TAFA5: variants seen among roughly 807,000 people sequenced by gnomAD.
TAFA5 encodes chemokine-like protein TAFA-5.
Under a neutral mutation model 15.3 loss-of-function variants are expected in TAFA5, and 6 were observed. The observed-to-expected ratio is 0.39, with a 90% CI of 0.21 to 0.77. TAFA5 has a LOEUF of 0.77. Among genes scored for constraint, TAFA5 ranks in the 30% least tolerant of loss-of-function variants. TAFA5 has a pLI of 0.41. For missense variants in TAFA5, 161 were observed against 193.1 expected (o/e 0.83, Z 0.98); for synonymous variants, 103 against 80.7 (o/e 1.28, Z -1.48).
In TAFA5 at chr22:48,658,951, G is replaced by T. The variant is rs527886925; in HGVS notation, c.262+12205G>T. Reference sequence around the variant, plus strand: ...GCCTCAGACTGCAGCGTCCAAAGAGGTCGTGTAAGAGGAGGTGACGCCTTT... The same window carrying T: ...GCCTCAGACTGCAGCGTCCAAAGAGTTCGTGTAAGAGGAGGTGACGCCTTT... On this transcript the variant is annotated intron_variant, in intron 2 of 3. Transcript: ENST00000402357. Among the ~76,000 whole-genome samples, 176 of 152,318 alleles carry T rather than the reference G, an allele frequency of 1.2e-3. 2 individuals are homozygous for T. The highest frequency in any genetic ancestry group is 2.0e-3 in the Non-Finnish European group (138 of 68,034).
chr22:48,496,297 C>T (rs1263924215), intron 1 of TAFA5, among the ~76,000 whole-genome samples: 3 of 151,068 alleles, frequency 2.0e-5, no homozygotes, highest in African/African-American at 7.4e-5. Flanking sequence ...TGCTTTTGGT[C>T]ACGGCATCTG....
chr22:48,563,878 G>GT (rs1417168714), intron 1 of TAFA5, among the ~76,000 whole-genome samples: 1 of 152,208 alleles, frequency 6.6e-6, no homozygotes, highest in Non-Finnish European at 1.5e-5. Context: ...CCGCCTCCAG[G>GT]TCCTACCAGG....
In TAFA5 at chr22:48,691,428, A is replaced by G. The variant is rs980688940; in HGVS notation, c.263-16289A>G. Among the ~76,000 whole-genome samples the G allele has an allele frequency of 3.9e-5, 6 of 152,344 alleles. No individual in the cohort carries two copies. In the East Asian group the frequency reaches 1.2e-3, roughly 29 times the overall value. ...AAACCAGCAAGGCCTAAGAGGGAAG[A>G]TGGAGACGTGGCCAGGACAGGGTCG... On this transcript the variant is annotated intron_variant, in intron 2 of 3. Transcript: ENST00000402357.
chr22:48,561,659 C>T (rs145154346), intron 1 of TAFA5, among the ~76,000 whole-genome samples: 23 of 152,328 alleles, frequency 1.5e-4, no homozygotes, highest in African/African-American at 5.0e-4. Flanking sequence ...GCCTTGGACC[C>T]CCCAACCCCA....
intron 1 of TAFA5, among the ~76,000 whole-genome samples, chr22:48,614,685 C>T (rs928006201): frequency 2.6e-5 from 4 of 152,212 alleles, no homozygotes; most frequent in African/African-American, 7.2e-5. Flanking sequence ...AGATTCCATG[C>T]GTCCTGGGGC....
intron 1 of TAFA5, among the ~76,000 whole-genome samples, chr22:48,506,462 G>T (rs1411186323): frequency 6.6e-6 from 1 of 152,234 alleles, no homozygotes; most frequent in South Asian, 2.1e-4. Flanking sequence ...TGACAAAAAC[G>T]CGGCATGTCC....
Position 48,584,973 on chromosome 22 carries a change from C to A in TAFA5, c.113-61624C>A, listed in dbSNP as rs1285591585. Among the ~76,000 whole-genome samples, 11 of 144,744 alleles carry A rather than the reference C, an allele frequency of 7.6e-5. No individual in the cohort carries two copies. In the Admixed American group the frequency reaches 7.7e-4, roughly 10 times the overall value. 95.0% of individuals were successfully genotyped at this position (144,744 alleles called of 152,430 possible). On this transcript the variant is annotated intron_variant, in intron 1 of 3. Coordinates refer to ENST00000402357, the MANE Select transcript of TAFA5 (RefSeq NM_001082967.3). ...TCACACACACACCACACAGAAAATA[C>A]ATCACACACATTCACATGTACACAC...
intron 2 of TAFA5, among the ~76,000 whole-genome samples, chr22:48,652,772 G>A (rs568789466): frequency 6.6e-5 from 10 of 152,304 alleles, no homozygotes; most frequent in African/African-American, 2.4e-4. Context: ...GTACGCGACG[G>A]AGACCAGCTG....
At chr22:48,649,304 G>A (rs867184185) in intron 2 of TAFA5, among the ~76,000 whole-genome samples, 53 of 152,180 alleles carry the variant, frequency 3.5e-4, no homozygotes, top group South Asian at 1.7e-3. Context: ...CCTAGCAGCC[G>A]TATGCCACTG....
chr22:48,583,414 GCCA>G (rs1924173280), intron 1 of TAFA5, among the ~76,000 whole-genome samples: 1 of 63,118 alleles, frequency 1.6e-5, no homozygotes, highest in Non-Finnish European at 3.2e-5. Flanking sequence ...CACAAAATAC[GCCA>G]CACACACACC....
intron 2 of TAFA5, among the ~76,000 whole-genome samples, chr22:48,677,137 G>A (rs1021083259): frequency 2.0e-5 from 3 of 152,270 alleles, no homozygotes; most frequent in Non-Finnish European, 4.4e-5. Flanking sequence ...TGGACAGAAA[G>A]CTGTTTCCGG....
At chr22:48,696,297 A>G (rs1193758033) in intron 2 of TAFA5, among the ~76,000 whole-genome samples, 1 of 152,144 alleles carries the variant, frequency 6.6e-6, no homozygotes, top group African/African-American at 2.4e-5. Context: ...CAGATGTAGC[A>G]TAGCAGGTGC....
intron 1 of TAFA5, among the ~76,000 whole-genome samples, chr22:48,506,761 C>T (rs571970957): frequency 2.2e-4 from 34 of 152,356 alleles, no homozygotes; most frequent in Non-Finnish European, 4.1e-4. Flanking sequence ...TGACCTCTTC[C>T]GGCCATGGCA....
intron 3 of TAFA5, among the ~76,000 whole-genome samples, chr22:48,724,623 G>A (rs138739339): frequency 0.013 from 1,977 of 152,308 alleles, 31 homozygotes; most frequent in African/African-American, 0.045. Context: ...ACAAGTAAGC[G>A]CTGAAAAGCA....
chr22:48,644,585 G>A (rs182196355), intron 1 of TAFA5, among the ~76,000 whole-genome samples: 2 of 152,346 alleles, frequency 1.3e-5, no homozygotes, highest in Admixed American at 6.5e-5. Context: ...AGAGCTGGGC[G>A]GCCTCTCCAA....
chr22:48,554,961 C>G (rs116549323), intron 1 of TAFA5, among the ~76,000 whole-genome samples: 1 of 152,102 alleles, frequency 6.6e-6, no homozygotes, highest in Non-Finnish European at 1.5e-5. Flanking sequence ...AGTCCCTGGG[C>G]GGGGGCCCAG....
intron 1 of TAFA5, among the ~76,000 whole-genome samples, chr22:48,622,197 A>C (rs1056864840): frequency 6.6e-6 from 1 of 152,170 alleles, no homozygotes; most frequent in African/African-American, 2.4e-5. Context: ...ATTCAGGGTC[A>C]GAAGCTCCCA....
intron 1 of TAFA5, among the ~76,000 whole-genome samples, chr22:48,561,148 A>G (rs1923216638): frequency 6.6e-6 from 1 of 152,094 alleles, no homozygotes; most frequent in Non-Finnish European, 1.5e-5. Flanking sequence ...GAAAGGCCTC[A>G]GGGCCCAGGG....
At chr22:48,575,481 C>A (rs1923739956) in intron 1 of TAFA5, among the ~76,000 whole-genome samples, 2 of 146,290 alleles carry the variant, frequency 1.4e-5, no homozygotes, top group African/African-American at 2.4e-5. Flanking sequence ...CCCGCCGCCT[C>A]CCCCGAGGAG....
Sources: allele counts gnomAD v4.1 joint callset (sites outside exome capture counted in the v4.1 genomes callset), GRCh38; gene constraint gnomAD v4.1.1; transcripts MANE v1.5; gene names NCBI Gene and HGNC (gene_info 2026-07-23, HGNC 2026-07-21).